TEX10: variants seen among roughly 807,000 people sequenced by gnomAD.
The protein encoded by TEX10 is testis-expressed protein 10.
A neutral mutation model predicts 104.4 loss-of-function variants in TEX10; 24 were observed. That is an observed-to-expected ratio of 0.23 (90% CI 0.17 to 0.32). TEX10 has a LOEUF of 0.32. TEX10 is among the 10% of genes least tolerant of loss of function. TEX10 has a pLI of 1.00. For synonymous variants in TEX10, 396 were observed against 393.4 expected (o/e 1.01, Z -0.08); for missense variants, 921 against 1,083.9 (o/e 0.85, Z 2.11).
At chr9:100,341,483 T>A (rs1214737523) in intron 4 of TEX10, among the ~76,000 whole-genome samples, 1 of 148,776 alleles carries the variant, frequency 6.7e-6, no homozygotes, top group African/African-American at 2.5e-5. Flanking sequence ...CAAATGACTT[T>A]CTTTCTCATT....
intron 4 of TEX10, 78 bp downstream of exon 4, chr9:100,345,994 A>C (rs1835290536): frequency 2.0e-6 from 3 of 1,482,142 alleles, no homozygotes; most frequent in Non-Finnish European, 1.8e-6. Flanking sequence ...AATTAGTAGT[A>C]ATGAGCTGAT....
intron 7 of TEX10, 113 bp from the exon 8 acceptor site, chr9:100,328,075 T>C (rs1834754761): frequency 1.4e-6 from 1 of 720,982 alleles, no homozygotes; most frequent in African/African-American, 1.8e-5. Context: ...ACTAATTATG[T>C]ATCAATAATA....
At chr9:100,334,829 TG>T (rs1380475656) in intron 5 of TEX10, among the ~76,000 whole-genome samples, 1 of 152,114 alleles carries the variant, frequency 6.6e-6, no homozygotes, top group Non-Finnish European at 1.5e-5. Context: ...CACACTTGGC[TG>T]ATTTTTGTAT....
chr9:100,349,302 T>C lies in TEX10; in HGVS notation c.62A>G (p.Lys21Arg), dbSNP rs764363656. ...AGTAGCATTTTGTAACTTGGGCTTCTTTTTACCAACTTTCAATTTTACTTT... is the reference window on the plus strand; with the variant it reads ...AGTAGCATTTTGTAACTTGGGCTTCCTTTTACCAACTTTCAATTTTACTTT... The part of the protein sequence containing the change: ...FQKVKLKVGK[K>R]KPKLQNATPT... The change falls in exon 2 of 15, where the codon AAG (lysine) becomes AGG (arginine). Residue 21 changes from lysine to arginine, a missense_variant. Around this residue, in one of 3 missense-constraint regions of TEX10, gnomAD observed 118 missense variants for 111.3 expected, o/e 1.06. Coordinates refer to ENST00000374902, the MANE Select transcript of TEX10 (RefSeq NM_017746.4). 2.5e-6 allele frequency: 4 copies of C among 1,605,080 alleles called. No homozygotes were observed. In the African/African-American group the frequency reaches 5.4e-5, roughly 22 times the overall value.
chr9:100,331,748 G>A (rs541368248), intron 5 of TEX10, among the ~76,000 whole-genome samples: 1 of 152,340 alleles, frequency 6.6e-6, no homozygotes, highest in African/African-American at 2.4e-5. Flanking sequence ...AGACATGATT[G>A]TGTGGATACG....
At chr9:100,352,719 C>G in intron 1 of TEX10, 53 bp downstream of exon 1, 1 of 1,254,336 alleles carries the variant, frequency 8.0e-7, no homozygotes, top group Non-Finnish European at 1.0e-6. Context: ...GGCCCCACCA[C>G]GCTCAGTCCC....
At chr9:100,344,506 C>G (rs903060764) in intron 4 of TEX10, among the ~76,000 whole-genome samples, 12 of 116,292 alleles carry the variant, frequency 1.0e-4, no homozygotes, top group Admixed American at 9.7e-5. Flanking sequence ...TATATGTAAT[C>G]AAACACCGAA....
At chr9:100,339,668 A>G (rs1052460241) in intron 5 of TEX10, among the ~76,000 whole-genome samples, 1 of 152,070 alleles carries the variant, frequency 6.6e-6, no homozygotes, top group South Asian at 2.1e-4. Flanking sequence ...GAACTACAGT[A>G]TTAGTATTTT....
chr9:100,313,513 CAAAAAA>C (rs34520951), intron 11 of TEX10, among the ~76,000 whole-genome samples: 1 of 108,924 alleles, frequency 9.2e-6, no homozygotes, highest in African/African-American at 3.2e-5. Flanking sequence ...GAAACTTGGT[CAAAAAA>C]AAAAAAAAGA....
In TEX10 at chr9:100,308,771, T is replaced by G. The variant is rs527496878; in HGVS notation, c.2284-90A>C. The G allele has an allele frequency of 8.0e-6, 10 of 1,246,154 alleles. No individual in the cohort carries two copies. The East Asian group carries it at 2.7e-4, about 33-fold the overall frequency. 77.2% of individuals were successfully genotyped at this position (1,246,154 alleles called of 1,614,324 possible). On this transcript the variant is annotated intron_variant, in intron 12 of 14. Coordinates refer to ENST00000374902, the MANE Select transcript of TEX10 (RefSeq NM_017746.4). Reference sequence around the variant, plus strand: ...AAACCTGTTAATTCACGATTAACTTTACATTATTTCTACTGAAAACCAATA... The same window carrying G: ...AAACCTGTTAATTCACGATTAACTTGACATTATTTCTACTGAAAACCAATA...
rs550165057 is a variant in TEX10 at position 100,307,741 on chromosome 9, G to A, written c.2465+759C>T. On this transcript the variant is annotated intron_variant, in intron 13 of 14. Transcript: ENST00000374902. ...TATGTGCTGATGATATTCTATATCC[G>A]AACCTGGGGTTGGTTAAATGGAGGT... is the stretch of plus-strand genomic sequence containing the variant. 2.6e-5 allele frequency: 4 copies of A among 152,112 alleles called. No homozygotes were observed. The South Asian group carries it at 6.2e-4, about 24-fold the overall frequency. 9.4% of individuals were successfully genotyped at this position (152,112 alleles called of 1,614,324 possible).
In TEX10 at chr9:100,308,565, A is replaced by C; in HGVS notation, c.2400T>G (p.Cys800Trp). 1 of 1,612,960 alleles carries C rather than the reference A, an allele frequency of 6.2e-7. No individual in the cohort carries two copies. The highest frequency in any genetic ancestry group is 8.5e-7 in the Non-Finnish European group (1 of 1,179,308). The change falls in exon 13 of 15, where the codon TGT becomes TGG. Residue 800 changes from cysteine to tryptophan, a missense_variant. Transcript: ENST00000374902. ...SETLLPFLAS[C>W]CYSLLYFLLT... is the part of the protein sequence containing the mutation. ...GCAGAAAATAAAGAAGACTGTAGCA[A>C]CAAGAAGCCAGAAATGGCAGTAGAG...
chr9:100,322,937 G>A (rs998625528), intron 9 of TEX10, among the ~76,000 whole-genome samples: 2 of 151,962 alleles, frequency 1.3e-5, no homozygotes, highest in South Asian at 4.2e-4. Flanking sequence ...CTTAAGGAGG[G>A]GACAGGCATA....
chr9:100,302,452 G>T, intron 14 of TEX10, 148 bp from the exon 15 acceptor site: 3 of 553,528 alleles, frequency 5.4e-6, no homozygotes, highest in Non-Finnish European at 9.6e-6. Flanking sequence ...CCAGGAAACA[G>T]GGAACTATTA....
Position 100,302,234 on chromosome 9 carries a change from G to A in TEX10, c.2747C>T (p.Thr916Ile). The A allele has an allele frequency of 6.2e-7, 1 of 1,613,430 alleles. No homozygotes were observed. The highest frequency in any genetic ancestry group is 8.5e-7 in the Non-Finnish European group (1 of 1,179,596). The change falls in exon 15 of 15, where the codon ACT (threonine) becomes ATT (isoleucine). Residue 916 changes from threonine (T) to isoleucine (I), a missense_variant. Coordinates refer to ENST00000374902, the MANE Select transcript of TEX10 (RefSeq NM_017746.4). ...DLHYCFNVYITGHPQGPSALA... is the reference protein window; with the variant it reads ...DLHYCFNVYIIGHPQGPSALA... Reference sequence around the variant, plus strand: ...TGCACTGGGCCCTTGGGGATGCCCAGTGATATACACGTTGAAGCAGTAATG... The same window carrying A: ...TGCACTGGGCCCTTGGGGATGCCCAATGATATACACGTTGAAGCAGTAATG...
intron 11 of TEX10, among the ~76,000 whole-genome samples, chr9:100,310,987 T>C (rs776763639): frequency 1.3e-4 from 20 of 152,174 alleles, no homozygotes; most frequent in Non-Finnish European, 2.6e-4. Flanking sequence ...TCTACCAACA[T>C]GGAGACCACA....
intron 1 of TEX10, among the ~76,000 whole-genome samples, chr9:100,350,151 C>T (rs958213380): frequency 6.6e-6 from 1 of 152,160 alleles, no homozygotes; most frequent in Non-Finnish European, 1.5e-5. Flanking sequence ...TACTTCCTCC[C>T]CCTCTATACC....
rs751715524 is a variant in TEX10, at chr9:100,302,173, G to A, written c.*18C>T. ...AGATGTGAATAAACAACTTCAAACAGGAGGTACTATGGCCTCTTCAATACA... is the reference window on the plus strand; with the variant it reads ...AGATGTGAATAAACAACTTCAAACAAGAGGTACTATGGCCTCTTCAATACA... On this transcript the variant is annotated 3_prime_UTR_variant, in exon 15 of 15. Coordinates refer to ENST00000374902, the MANE Select transcript of TEX10 (RefSeq NM_017746.4). 1,461 of 1,420,036 alleles carry A rather than the reference G, an allele frequency of 1.0e-3. 2 individuals carry two copies. The highest frequency in any genetic ancestry group is 1.3e-3 in the Non-Finnish European group (1,348 of 1,035,656). 88.0% of individuals were successfully genotyped at this position (1,420,036 alleles called of 1,614,324 possible).
intron 5 of TEX10, among the ~76,000 whole-genome samples, chr9:100,330,575 C>G (rs955299405): frequency 4.6e-5 from 7 of 152,156 alleles, no homozygotes; most frequent in Non-Finnish European, 7.3e-5. Context: ...TTAAAAGAAT[C>G]ACTAGTCTTT....
Sources: gnomAD v4.1 joint callset for allele counts (sites outside exome capture counted in the v4.1 genomes callset) on GRCh38, gnomAD v4.1.1 for gene constraint, gnomAD v4.1.1 regional missense constraint, MANE v1.5 for transcripts, NCBI Gene and HGNC (gene_info 2026-07-23, HGNC 2026-07-21) for gene names.